ST8SIA5: variants seen among roughly 807,000 people sequenced by gnomAD.
The protein encoded by ST8SIA5 is alpha-2,8-sialyltransferase 8E.
A neutral mutation model predicts 40.2 loss-of-function variants in ST8SIA5; 24 were observed. The ratio of observed to expected loss-of-function variants is 0.60; its 90% confidence interval spans 0.43 to 0.84. ST8SIA5 has a LOEUF of 0.84. Ranked by LOEUF, ST8SIA5 falls within the 40% of genes least tolerant of loss-of-function variation. The pLI is 0.00. For synonymous variants in ST8SIA5, 198 were observed against 201.8 expected, an observed-to-expected ratio of 0.98 and a Z score of 0.16; for missense variants, 465 against 498.5, an observed-to-expected ratio of 0.93 and a Z score of 0.64.
rs146893875 is a variant in ST8SIA5 at position 46,698,488 on chromosome 18, CA to C, written c.224+6083del. 7.2e-3 allele frequency among the ~76,000 whole-genome samples: 1,102 copies of C among 152,026 alleles called. 12 individuals carry two copies. The highest frequency in any genetic ancestry group is 0.026 in the African/African-American group (1,058 of 41,470). On this transcript the variant is annotated intron_variant, in intron 2 of 6. Coordinates refer to ENST00000315087, the MANE Select transcript of ST8SIA5 (RefSeq NM_013305.6). The stretch of plus-strand genomic sequence containing the variant: ...CCCACCACACCAACAATCCAAACAG[CA>C]ACCCAACAACCCAACACACCAACAA...
At chr18:46,701,130 C>CTTTTTTTTTTTTTTTT in intron 2 of ST8SIA5, among the ~76,000 whole-genome samples, 1 of 45,818 alleles carries the variant, frequency 2.2e-5, no homozygotes, top group Non-Finnish European at 3.8e-5. Flanking sequence ...GAGATAGGGC[C>CTTTTTTTTTTTTTTTT]TTTTTTTTTT....
intron 1 of ST8SIA5, among the ~76,000 whole-genome samples, chr18:46,737,155 G>A (rs2040043091): frequency 6.6e-6 from 1 of 152,136 alleles, no homozygotes; most frequent in Admixed American, 6.6e-5. Flanking sequence ...TCCATCACCT[G>A]CTCCTCCTGC....
Position 46,682,055 on chromosome 18 carries a change from C to A in ST8SIA5, c.579G>T (p.Leu193=), listed in dbSNP as rs368900695. ...NSADFVFRCN[L]PPISEKYTMD... ...TGGTGTACTTCTCTGAGATGGGGGG[C>A]AGGTTGCACCTGCAGAAGAGAAAAG... The change falls in exon 6 of 7, where the codon CTG becomes CTT. Residue 193 remains leucine (L), a synonymous_variant. Transcript: ENST00000315087. The A allele has an allele frequency of 1.9e-6, 3 of 1,606,088 alleles. No individual in the cohort carries two copies. The highest frequency in any genetic ancestry group is 2.5e-6 in the Non-Finnish European group (3 of 1,176,900).
At chr18:46,744,636 G>A (rs192388210) in intron 1 of ST8SIA5, among the ~76,000 whole-genome samples, 82 of 152,262 alleles carry the variant, frequency 5.4e-4, no homozygotes, top group African/African-American at 1.7e-3. Context: ...ACACCCCACT[G>A]TCAATATTAG....
intron 1 of ST8SIA5, among the ~76,000 whole-genome samples, chr18:46,745,656 C>T (rs1423996213): frequency 6.6e-6 from 1 of 152,194 alleles, no homozygotes; most frequent in Non-Finnish European, 1.5e-5. Flanking sequence ...GAGCTGGTAC[C>T]ATTCCTTCTG....
intron 1 of ST8SIA5, among the ~76,000 whole-genome samples, chr18:46,744,912 C>G (rs2040124216): frequency 6.6e-6 from 1 of 152,194 alleles, no homozygotes; most frequent in Non-Finnish European, 1.5e-5. Context: ...TTAAGAAACT[C>G]ACTCAAAACT....
In ST8SIA5 at chr18:46,725,142, CCAAGTAA is replaced by C. The variant is rs1241965862; in HGVS notation, c.132-20485_132-20479del. Reference sequence around the variant, plus strand: ...AGCTTAGAGAGGTTTAGTAGCTTGCCCAAGTAACAAGTAGCTAAGCTAAGATTTAAAC... The same window carrying C: ...AGCTTAGAGAGGTTTAGTAGCTTGCCCAAGTAGCTAAGCTAAGATTTAAAC... On this transcript the variant is annotated intron_variant, in intron 1 of 6. Transcript: ENST00000315087. Among the ~76,000 whole-genome samples, 3 of 151,946 alleles carry C rather than the reference CCAAGTAA, an allele frequency of 2.0e-5. No individual in the cohort carries two copies. In the East Asian group the frequency reaches 5.8e-4, roughly 29 times the overall value.
At chr18:46,730,123 T>C in intron 1 of ST8SIA5, 7 of 976,116 alleles carry the variant, frequency 7.2e-6, no homozygotes, top group Non-Finnish European at 7.3e-6. Context: ...GCAGCTGCCA[T>C]GTTCCTTTAA....
At chr18:46,719,660 C>CTT (rs1253064710) in intron 1 of ST8SIA5, among the ~76,000 whole-genome samples, 19 of 46,468 alleles carry the variant, frequency 4.1e-4, no homozygotes, top group Admixed American at 3.0e-3. Context: ...ACTCGCCTTT[C>CTT]TATCTTTCTC....
chr18:46,741,252 G>T (rs1201017721), intron 1 of ST8SIA5, among the ~76,000 whole-genome samples: 2 of 152,066 alleles, frequency 1.3e-5, no homozygotes, highest in Admixed American at 1.3e-4. Flanking sequence ...CAATAAACTT[G>T]ATTTCTTTTA....
intron 1 of ST8SIA5, among the ~76,000 whole-genome samples, chr18:46,744,194 G>A (rs1290268423): frequency 6.6e-6 from 1 of 152,118 alleles, no homozygotes; most frequent in African/African-American, 2.4e-5. Flanking sequence ...ATAATGACGG[G>A]ATCAAATTCA....
intron 1 of ST8SIA5, among the ~76,000 whole-genome samples, chr18:46,748,424 C>T (rs1351416606): frequency 6.6e-6 from 1 of 151,370 alleles, no homozygotes; most frequent in Non-Finnish European, 1.5e-5. Flanking sequence ...ATTAGCCAGG[C>T]ATGATGGTAT....
At chr18:46,708,810 GCCT>G (rs1271965856) in intron 1 of ST8SIA5, among the ~76,000 whole-genome samples, 1 of 152,122 alleles carries the variant, frequency 6.6e-6, no homozygotes, top group Non-Finnish European at 1.5e-5. Context: ...GTCCTGCAGG[GCCT>G]CCTGTTTCTA....
chr18:46,698,199 C>A (rs1442139847), intron 2 of ST8SIA5, among the ~76,000 whole-genome samples: 1 of 151,200 alleles, frequency 6.6e-6, no homozygotes, highest in Non-Finnish European at 1.5e-5. Flanking sequence ...ACTCATCACA[C>A]CAACAATCAA....
In ST8SIA5 at chr18:46,673,229, AT is replaced by A. The variant is rs1205297735; in HGVS notation, c.*6812del. On this transcript the variant is annotated 3_prime_UTR_variant, in exon 7 of 7. Coordinates refer to ENST00000315087, the MANE Select transcript of ST8SIA5 (RefSeq NM_013305.6). The stretch of plus-strand genomic sequence containing the variant: ...AGATGATAAATTCTATGTTATGTGT[AT>A]TTTACCATAATTACAAATGAAAAAG... 2.0e-5 allele frequency: 3 copies of A among 152,206 alleles called. No homozygotes were observed. Among genetic ancestry groups the A allele is most frequent in the Non-Finnish European group, 4.4e-5 (3 of 68,038 alleles). 9.4% of individuals were successfully genotyped at this position (152,206 alleles called of 1,614,324 possible).
intron 1 of ST8SIA5, among the ~76,000 whole-genome samples, chr18:46,705,672 C>A (rs924918126): frequency 6.6e-6 from 1 of 152,208 alleles, no homozygotes; most frequent in Non-Finnish European, 1.5e-5. Context: ...TCCTCACAGC[C>A]CCCCTCCTCC....
At position 46,692,190 on chromosome 18, in the gene ST8SIA5, A is replaced by G; in HGVS notation, c.290T>C (p.Ile97Thr). The change falls in exon 3 of 7, where the codon ATC becomes ACC. Residue 97 changes from isoleucine to threonine, a missense_variant. Physicochemically the swap from Ile to Thr is moderately conservative, Grantham distance 89 (BLOSUM62 -1). Coordinates refer to ENST00000315087, the MANE Select transcript of ST8SIA5 (RefSeq NM_013305.6). Reference sequence around the variant, plus strand: ...ATACTTGAACTGGTTGGCCTCAGAGATGTTCATCGCCCATTTGCACATCTG... The same window carrying G: ...ATACTTGAACTGGTTGGCCTCAGAGGTGTTCATCGCCCATTTGCACATCTG... ...SLQMCKWAMN[I>T]SEANQFKSTL... 1 of 1,614,064 alleles carries G rather than the reference A, an allele frequency of 6.2e-7. No individual in the cohort carries two copies. The highest frequency in any genetic ancestry group is 2.2e-5 in the East Asian group (1 of 44,852).
chr18:46,713,810 T>A (rs2144515871), intron 1 of ST8SIA5, among the ~76,000 whole-genome samples: 1 of 152,208 alleles, frequency 6.6e-6, no homozygotes, highest in East Asian at 1.9e-4. Context: ...AAGAGCAGAT[T>A]CAAGGGAGAA....
At chr18:46,756,295 C>A in intron 1 of ST8SIA5, 83 bp downstream of exon 1, 1 of 1,563,638 alleles carries the variant, frequency 6.4e-7, no homozygotes, top group South Asian at 1.2e-5. Flanking sequence ...CGGGGCGCTG[C>A]GACCGAAGCT....
Sources: gnomAD v4.1 joint callset for allele counts (sites outside exome capture counted in the v4.1 genomes callset) on GRCh38, gnomAD v4.1.1 for gene constraint, MANE v1.5 for transcripts, NCBI Gene and HGNC (gene_info 2026-07-23, HGNC 2026-07-21) for gene names.